Variants in TTC13 observed in about 807,000 individuals in gnomAD.
TTC13 encodes tetratricopeptide repeat protein 13.
Under a neutral mutation model 120.0 loss-of-function variants are expected in TTC13, and 62 were observed. That is an observed-to-expected ratio of 0.52 (90% CI 0.42 to 0.64). The LOEUF (loss-of-function observed/expected upper bound fraction) is 0.64, where lower values mean the gene tolerates loss of function less well. Ranked by LOEUF, TTC13 falls within the 30% of genes least tolerant of loss-of-function variation. The probability of loss-of-function intolerance (pLI) is 0.00; values close to 1 mark genes in which losing one functional copy is unlikely to be tolerated. For missense variants in TTC13, 824 were observed against 1,050.2 expected (o/e 0.78, Z 2.98); for synonymous variants, 384 against 393.5 (o/e 0.98, Z 0.28).
intron 8 of TTC13, 45 bp from the exon 9 acceptor site, chr1:230,933,906 A>C (rs1890351): frequency 0.68 from 854,110 of 1,250,192 alleles, 293,159 homozygotes; most frequent in Admixed American, 0.76. Context: ...ATAATTGTTA[A>C]AATTGAGATT....
intron 1 of TTC13, among the ~76,000 whole-genome samples, chr1:230,971,716 T>C (rs1363997263): frequency 6.6e-6 from 1 of 151,944 alleles, no homozygotes; most frequent in Non-Finnish European, 1.5e-5. Flanking sequence ...TATAAACATA[T>C]GTAAAGAATC....
chr1:230,928,030 T>C (rs1230926247), intron 12 of TTC13, among the ~76,000 whole-genome samples: 1 of 152,140 alleles, frequency 6.6e-6, no homozygotes, highest in Non-Finnish European at 1.5e-5. Flanking sequence ...TACCATTCTG[T>C]TCATTATTAT....
intron 13 of TTC13, 141 bp from the exon 14 acceptor site, chr1:230,925,114 G>A: frequency 5.6e-6 from 6 of 1,076,144 alleles, no homozygotes; most frequent in Non-Finnish European, 6.7e-6. Flanking sequence ...CCCAAGGCAC[G>A]TTTCAGTCAT....
At chr1:230,960,804 T>G (rs984230244) in intron 2 of TTC13, among the ~76,000 whole-genome samples, 1 of 152,126 alleles carries the variant, frequency 6.6e-6, no homozygotes, top group Non-Finnish European at 1.5e-5. Context: ...ACGCAAACAT[T>G]AGCTACTGTC....
intron 3 of TTC13, chr1:230,956,504 T>C (rs1182174240): frequency 2.8e-6 from 1 of 355,590 alleles, no homozygotes; most frequent in Non-Finnish European, 5.4e-6. Flanking sequence ...TTTCTTAAAG[T>C]TTCCTTTCAA....
chr1:230,924,574 C>T (rs913638899), intron 14 of TTC13, among the ~76,000 whole-genome samples: 4 of 152,178 alleles, frequency 2.6e-5, no homozygotes, highest in Admixed American at 2.0e-4. Flanking sequence ...CTTGGTGATC[C>T]GCCCGCCTCG....
Position 230,978,428 on chromosome 1 carries a change from C to G in TTC13, c.271+132G>C. 4.6e-6 allele frequency: 1 copy of G among 218,262 alleles called. No homozygotes were observed. Among genetic ancestry groups the G allele is most frequent in the Non-Finnish European group, 8.8e-6 (1 of 113,128 alleles). The allele number at this position is 218,262 out of a possible 1,614,324, so 13.5% of individuals were successfully genotyped here. On this transcript the variant is annotated intron_variant, in intron 1 of 22. Transcript: ENST00000366661. The surrounding 1 kb of genome is among the most constrained non-coding windows in gnomAD (Gnocchi z 5.6). The stretch of plus-strand genomic sequence containing the variant: ...GAAGCTGCCCGCCAGGACCCCTGGC[C>G]GAGCCGGCTCCCGCGGATCGCGCGC...
At chr1:230,923,399 C>T (rs1036408070) in intron 15 of TTC13, among the ~76,000 whole-genome samples, 2 of 152,012 alleles carry the variant, frequency 1.3e-5, no homozygotes, top group South Asian at 4.2e-4. Flanking sequence ...TTTATCTAAG[C>T]CCTTTGTGTG....
intron 1 of TTC13, among the ~76,000 whole-genome samples, chr1:230,972,309 T>C (rs1379760961): frequency 2.0e-5 from 3 of 152,214 alleles, no homozygotes; most frequent in Non-Finnish European, 4.4e-5. Context: ...CATCAGTTGT[T>C]CAGCTTATGA....
intron 8 of TTC13, 34 bp downstream of exon 8, chr1:230,939,352 C>T: frequency 7.5e-7 from 1 of 1,339,486 alleles, no homozygotes; most frequent in Non-Finnish European, 1.1e-6. Context: ...GAAGCAGAGT[C>T]ATCATATGGT....
chr1:230,907,394 C>T (rs1671035515), intron 22 of TTC13, among the ~76,000 whole-genome samples: 1 of 152,218 alleles, frequency 6.6e-6, no homozygotes, highest in African/African-American at 2.4e-5. Flanking sequence ...GTCACAGGGA[C>T]AGTGTTCTTA....
At chr1:230,956,222 C>CAG (rs1227668768) in intron 3 of TTC13, among the ~76,000 whole-genome samples, 2 of 152,256 alleles carry the variant, frequency 1.3e-5, no homozygotes, top group Admixed American at 6.5e-5. Context: ...CCTAACCTCC[C>CAG]AGGCAGCCCG....
At chr1:230,922,187 T>C (rs1052927740) in intron 15 of TTC13, among the ~76,000 whole-genome samples, 1 of 152,196 alleles carries the variant, frequency 6.6e-6, no homozygotes. Flanking sequence ...TCTGGCCTAA[T>C]GGGACAACCA....
At chr1:230,908,813 G>A in intron 21 of TTC13, 22 bp from the exon 22 acceptor site, 1 of 1,610,538 alleles carries the variant, frequency 6.2e-7, no homozygotes, top group Non-Finnish European at 8.5e-7. Context: ...AGACATTTAG[G>A]AATGTTACTA....
chr1:230,969,706 T>C (rs966169299), intron 1 of TTC13, among the ~76,000 whole-genome samples: 8 of 152,184 alleles, frequency 5.3e-5, no homozygotes, highest in African/African-American at 1.7e-4. Flanking sequence ...CCCTGACTGT[T>C]TGACTTAGAG....
intron 14 of TTC13, among the ~76,000 whole-genome samples, chr1:230,924,527 T>G (rs1672885181): frequency 6.6e-6 from 1 of 152,112 alleles, no homozygotes; most frequent in African/African-American, 2.4e-5. Context: ...AGAGACGGGG[T>G]TTCACCGTGT....
At position 230,958,278 on chromosome 1, in the gene TTC13, C is replaced by T. The variant is rs1185397535; in HGVS notation, c.388G>A (p.Glu130Lys). The change falls in exon 3 of 23, where the codon GAA (glutamate) becomes AAA (lysine). Residue 130 changes from glutamate to lysine, a missense_variant. Glu to Lys is a moderately conservative substitution (Grantham distance 56). This residue lies in a region of TTC13 where 430 missense variants were observed against 626.8 expected (regional missense o/e 0.69). Coordinates refer to ENST00000366661, the MANE Select transcript of TTC13 (RefSeq NM_024525.5). ...GTGGCAAACGGGAATCTCTTCTGTTCTGCAATAGACTTGGCCTGGCTCTGG... is the reference window on the plus strand; with the variant it reads ...GTGGCAAACGGGAATCTCTTCTGTTTTGCAATAGACTTGGCCTGGCTCTGG... ...KILSQAKSIA[E>K]QKRFPFATDN... is the part of the protein sequence containing the mutation. The T allele has an allele frequency of 2.5e-6, 4 of 1,607,614 alleles. No homozygotes were observed. Among genetic ancestry groups the T allele is most frequent in the African/African-American group, 2.7e-5 (2 of 73,326 alleles).
chr1:230,920,046 C>T (rs1035534752), intron 17 of TTC13, among the ~76,000 whole-genome samples: 3 of 152,198 alleles, frequency 2.0e-5, no homozygotes, highest in African/African-American at 7.2e-5. Context: ...CAGAACCAAA[C>T]TCCACTCTCT....
chr1:230,919,817 C>T (rs941691592), intron 17 of TTC13, among the ~76,000 whole-genome samples: 5 of 152,162 alleles, frequency 3.3e-5, no homozygotes, highest in Non-Finnish European at 5.9e-5. Context: ...GCCGAAACTC[C>T]AATGTCTCTC....
Sources: gnomAD v4.1 joint callset for allele counts (sites outside exome capture counted in the v4.1 genomes callset) on GRCh38, gnomAD v4.1.1 for gene constraint, gnomAD v4.1.1 regional missense constraint, Gnocchi (gnomAD v3.1) non-coding constraint, MANE v1.5 for transcripts, NCBI Gene and HGNC (gene_info 2026-07-23, HGNC 2026-07-21) for gene names.